Variants in HDAC4 observed in about 807,000 individuals in gnomAD.
HDAC4 encodes the protein histone deacetylase 4, also known as histone deacetylase A.
In HDAC4, 16 loss-of-function variants were observed where a neutral mutation model predicts 135.1. The ratio of observed to expected loss-of-function variants is 0.12; its 90% CI spans 0.08 to 0.18. HDAC4 has a LOEUF of 0.18. HDAC4 is among the 10% of genes least tolerant of loss of function. The pLI is 1.00. For synonymous variants in HDAC4, 685 were observed against 653.4 expected (o/e 1.05, Z -0.74); for missense variants, 1,143 against 1,511.8 (o/e 0.76, Z 4.05).
At chr2:239,248,245 A>T (rs1188267840) in intron 2 of HDAC4, among the ~76,000 whole-genome samples, 3 of 150,900 alleles carry the variant, frequency 2.0e-5, no homozygotes, top group African/African-American at 4.9e-5. Flanking sequence ...CAGTGGCGTG[A>T]TCTCGGCTCA....
intron 22 of HDAC4, among the ~76,000 whole-genome samples, chr2:239,075,805 G>A (rs917176185): frequency 6.6e-5 from 10 of 152,124 alleles, no homozygotes; most frequent in African/African-American, 1.2e-4. Flanking sequence ...GCTTCCCAGG[G>A]AATAGAGCTG....
At chr2:239,220,213 C>T (rs367715954) in intron 3 of HDAC4, among the ~76,000 whole-genome samples, 4 of 152,336 alleles carry the variant, frequency 2.6e-5, no homozygotes, top group African/African-American at 9.6e-5. Flanking sequence ...GAGTCTCTTT[C>T]TCTTAAACGC....
chr2:239,056,757 C>A (rs962913778), intron 24 of HDAC4, among the ~76,000 whole-genome samples: 1 of 152,194 alleles, frequency 6.6e-6, no homozygotes, highest in Non-Finnish European at 1.5e-5. Context: ...GCGGTAAAAG[C>A]GTAACCCGAT....
chr2:239,351,053 A>G (rs1479326216), intron 2 of HDAC4, among the ~76,000 whole-genome samples: 1 of 152,222 alleles, frequency 6.6e-6, no homozygotes, highest in Non-Finnish European at 1.5e-5. Flanking sequence ...CAAATGAAAA[A>G]TATGCATCCT....
chr2:239,191,802 G>A (rs2044978895), intron 3 of HDAC4, among the ~76,000 whole-genome samples: 1 of 152,190 alleles, frequency 6.6e-6, no homozygotes, highest in African/African-American at 2.4e-5. Context: ...GCTTGAACCT[G>A]AGGAGTGCCC....
intron 3 of HDAC4, among the ~76,000 whole-genome samples, chr2:239,204,187 C>A (rs529964913): frequency 7.9e-5 from 12 of 152,294 alleles, no homozygotes; most frequent in African/African-American, 2.9e-4. Flanking sequence ...CTCCTCTCTG[C>A]GCAGGGCATC....
At position 239,202,640 on chromosome 2, in the gene HDAC4, C is replaced by T. The variant is rs544162051; in HGVS notation, c.95-12563G>A. Among the ~76,000 whole-genome samples the T allele has an allele frequency of 7.2e-5, 11 of 152,222 alleles. No homozygotes were observed. The South Asian group carries it at 2.3e-3, about 32-fold the overall frequency. On this transcript the variant is annotated intron_variant, in intron 3 of 26. Coordinates refer to ENST00000543185, the MANE Select transcript of HDAC4 (RefSeq NM_001378414.1). ...TGGTCTTCATCACAGGGACAGGATG[C>T]ACCCTCCACGCGGGAGGGGCGGTGG... is the stretch of plus-strand genomic sequence containing the variant.
chr2:239,053,042 G>T lies in HDAC4; in HGVS notation c.*55C>A. 1 of 1,604,522 alleles carries T rather than the reference G, an allele frequency of 6.2e-7. No homozygotes were observed. The highest frequency in any genetic ancestry group is 8.5e-7 in the Non-Finnish European group (1 of 1,171,182). ...AGGCGTGACACGGGAAAGTTTCTTG[G>T]CTGAGCTTCAAGACAGAGACAGACA... On this transcript the variant is annotated 3_prime_UTR_variant, in exon 27 of 27. Transcript: ENST00000543185.
chr2:239,350,393 A>C (rs1201504389), intron 2 of HDAC4, among the ~76,000 whole-genome samples: 4 of 152,322 alleles, frequency 2.6e-5, no homozygotes, highest in Non-Finnish European at 5.9e-5. Context: ...GACAGAAAAA[A>C]ATAAGTAAAG....
intron 12 of HDAC4, among the ~76,000 whole-genome samples, chr2:239,122,881 A>C (rs997491918): frequency 6.6e-6 from 1 of 152,224 alleles, no homozygotes; most frequent in East Asian, 1.9e-4. Context: ...GCAGTGGGAC[A>C]GGAGGGTTCA....
At chr2:239,114,267 G>T (rs967227327) in intron 13 of HDAC4, among the ~76,000 whole-genome samples, 1 of 152,200 alleles carries the variant, frequency 6.6e-6, no homozygotes. Context: ...ATGGAGTCCA[G>T]AGAGAAGGGA....
At position 239,095,585 on chromosome 2, in the gene HDAC4, G is replaced by A. The variant is rs56005916; in HGVS notation, c.2234-529C>T. On this transcript the variant is annotated intron_variant, in intron 16 of 26. Coordinates refer to ENST00000543185, the MANE Select transcript of HDAC4 (RefSeq NM_001378414.1). ...GTATGCAGCGACAGCCCCTCCCTGC[G>A]ACACAGGCGGAGCGTGTACAGCTGA... Among the ~76,000 whole-genome samples the A allele has an allele frequency of 6.5e-3, 983 of 152,228 alleles. 8 individuals carry two copies. The highest frequency in any genetic ancestry group is 8.3e-3 in the Non-Finnish European group (565 of 67,996).
chr2:239,257,352 TA>T (rs146207339), intron 2 of HDAC4, among the ~76,000 whole-genome samples: 2 of 150,858 alleles, frequency 1.3e-5, no homozygotes, highest in Non-Finnish European at 1.5e-5. Context: ...ACTACTAAGT[TA>T]AAAAAAAACA....
chr2:239,399,705 C>G (rs1378311072), intron 1 of HDAC4, among the ~76,000 whole-genome samples: 1 of 152,168 alleles, frequency 6.6e-6, no homozygotes, highest in Non-Finnish European at 1.5e-5. Context: ...CAGAGAAAAA[C>G]GGGGCGGCAA....
intron 13 of HDAC4, among the ~76,000 whole-genome samples, chr2:239,114,444 C>G (rs888781190): frequency 9.2e-5 from 14 of 152,242 alleles, no homozygotes; most frequent in African/African-American, 3.4e-4. Flanking sequence ...GCTGGCTGCC[C>G]AAATGCCTTA....
rs562570270 is a variant in HDAC4 at position 239,320,570 on chromosome 2, A to G, written c.22+32108T>C. Among the ~76,000 whole-genome samples the G allele has an allele frequency of 8.5e-5, 13 of 152,240 alleles. No homozygotes were observed. In the South Asian group the frequency reaches 2.5e-3, roughly 29 times the overall value. ...AAAAATATGTATTTTAATCAAAACT[A>G]TTTTGCTGTTGAACTTTTCTAGCTA... On this transcript the variant is annotated intron_variant, in intron 2 of 26. Coordinates refer to ENST00000543185, the MANE Select transcript of HDAC4 (RefSeq NM_001378414.1).
chr2:239,163,368 G>A (rs972738750), intron 6 of HDAC4, among the ~76,000 whole-genome samples: 1 of 152,236 alleles, frequency 6.6e-6, no homozygotes, highest in African/African-American at 2.4e-5. Context: ...ACAGGCACCA[G>A]CCTCCGGAGC....
At chr2:239,128,688 C>T (rs539748888) in intron 11 of HDAC4, among the ~76,000 whole-genome samples, 30 of 152,314 alleles carry the variant, frequency 2.0e-4, no homozygotes, top group African/African-American at 7.0e-4. Context: ...GGTCTCTCCT[C>T]GGAAAGCAAT....
chr2:239,067,584 G>C (rs140495892), intron 23 of HDAC4, among the ~76,000 whole-genome samples: 1 of 152,200 alleles, frequency 6.6e-6, no homozygotes, highest in Admixed American at 6.5e-5. Flanking sequence ...GCGGTGCTCC[G>C]GGCCGGGTGC....
Sources: gnomAD v4.1 joint callset for allele counts (sites outside exome capture counted in the v4.1 genomes callset) on GRCh38, gnomAD v4.1.1 for gene constraint, MANE v1.5 for transcripts, NCBI Gene and HGNC (gene_info 2026-07-23, HGNC 2026-07-21) for gene names.